LRRTM3: variants seen among roughly 807,000 people sequenced by gnomAD.
The protein encoded by LRRTM3 is leucine rich repeat transmembrane neuronal 3.
A neutral mutation model predicts 44.7 loss-of-function variants in LRRTM3; 24 were observed. The observed-to-expected ratio is 0.54, with a 90% CI of 0.39 to 0.76. The LOEUF is 0.76. Among genes scored for constraint, LRRTM3 ranks in the 30% least tolerant of loss-of-function variants. LRRTM3 has a pLI of 0.00. For synonymous variants in LRRTM3, 277 were observed against 278.7 expected (o/e 0.99, Z 0.06); for missense variants, 587 against 702.2 (o/e 0.84, Z 1.85).
At chr10:67,000,761 T>C (rs1851636170) in intron 2 of LRRTM3, among the ~76,000 whole-genome samples, 1 of 152,082 alleles carries the variant, frequency 6.6e-6, no homozygotes, top group Non-Finnish European at 1.5e-5. Flanking sequence ...ACCTGACAAT[T>C]ACAATAAAAT....
At chr10:66,936,596 G>A (rs1462856025) in intron 2 of LRRTM3, among the ~76,000 whole-genome samples, 1 of 152,102 alleles carries the variant, frequency 6.6e-6, no homozygotes. Flanking sequence ...CTGTCAGAAA[G>A]TCACAGGGTC....
chr10:67,097,939 T>C lies in LRRTM3; in HGVS notation c.*143T>C. The C allele has an allele frequency of 1.5e-6, 1 of 687,170 alleles. No homozygotes were observed. The highest frequency in any genetic ancestry group is 2.7e-5 in the East Asian group (1 of 36,776). 42.6% of individuals were successfully genotyped at this position (687,170 alleles called of 1,614,324 possible). On this transcript the variant is annotated 3_prime_UTR_variant, in exon 3 of 3. Transcript: ENST00000361320. ...AATAAACAAAAAATCCAAGATTGAT[T>C]CATGAAATAAAGAAGACATGAATTG...
At chr10:67,077,947 A>G (rs1856819248) in intron 2 of LRRTM3, among the ~76,000 whole-genome samples, 2 of 152,186 alleles carry the variant, frequency 1.3e-5, no homozygotes, top group Admixed American at 1.3e-4. Context: ...TAAGTGATTT[A>G]CAACACAAAT....
At chr10:67,056,943 G>C (rs78031898) in intron 2 of LRRTM3, among the ~76,000 whole-genome samples, 2,010 of 152,266 alleles carry the variant, frequency 0.013, 19 homozygotes, top group Non-Finnish European at 0.02. Context: ...GGGTGCAAAA[G>C]AGTGGGAACT....
intron 2 of LRRTM3, among the ~76,000 whole-genome samples, chr10:66,974,858 T>A (rs980154678): frequency 1.3e-5 from 2 of 152,136 alleles, no homozygotes; most frequent in African/African-American, 4.8e-5. Flanking sequence ...TTAGTTGAGT[T>A]GTTTTTTCTT....
chr10:66,989,075 A>T (rs551716226), intron 2 of LRRTM3, among the ~76,000 whole-genome samples: 39 of 151,018 alleles, frequency 2.6e-4, no homozygotes, highest in Non-Finnish European at 4.4e-4. Context: ...GTGTTTTTTT[A>T]TTTCCTGTAT....
intron 2 of LRRTM3, among the ~76,000 whole-genome samples, chr10:66,953,865 T>C (rs1174872638): frequency 6.6e-6 from 1 of 152,176 alleles, no homozygotes; most frequent in Admixed American, 6.6e-5. Context: ...AGAAGAGCTA[T>C]GTGACCTTGG....
chr10:66,986,430 G>A (rs1221684799), intron 2 of LRRTM3, among the ~76,000 whole-genome samples: 22 of 152,148 alleles, frequency 1.4e-4, no homozygotes, highest in Admixed American at 1.4e-3. Context: ...CCAGTAGGCA[G>A]AGGTTGCAAT....
intron 2 of LRRTM3, among the ~76,000 whole-genome samples, chr10:66,997,175 C>A (rs550934298): frequency 6.6e-6 from 1 of 152,036 alleles, no homozygotes; most frequent in African/African-American, 2.4e-5. Context: ...GCAAAACAAC[C>A]CTTTGTATTA....
At position 66,928,425 on chromosome 10, in the gene LRRTM3, T is replaced by A; in HGVS notation, c.1509T>A (p.Tyr503Ter). 6.2e-7 allele frequency: 1 copy of A among 1,610,886 alleles called. No individual in the cohort carries two copies. Among genetic ancestry groups the A allele is most frequent in the Non-Finnish European group, 8.5e-7 (1 of 1,178,950 alleles). The change falls in exon 2 of 3, where the codon TAT (tyrosine) becomes TAA (stop). Residue 503 changes from tyrosine to a stop codon, truncating the protein, a stop_gained. Coordinates refer to ENST00000361320, the MANE Select transcript of LRRTM3 (RefSeq NM_178011.5). LOFTEE classifies it high-confidence loss of function. ...MLLNGTGPCT[Y>*]NKSGSRECEI... ...TGAATGGGACGGGACCCTGCACCTATAACAAATCGGGCTCCAGGGAGTGTG... is the reference window on the plus strand; with the variant it reads ...TGAATGGGACGGGACCCTGCACCTAAAACAAATCGGGCTCCAGGGAGTGTG...
chr10:67,043,862 G>A (rs905574124), intron 2 of LRRTM3, among the ~76,000 whole-genome samples: 7 of 150,918 alleles, frequency 4.6e-5, no homozygotes, highest in Non-Finnish European at 1.0e-4. Flanking sequence ...ACTTCTATAT[G>A]CCCAACATTC....
chr10:66,947,906 G>A (rs956416340), intron 2 of LRRTM3, among the ~76,000 whole-genome samples: 10 of 152,144 alleles, frequency 6.6e-5, no homozygotes, highest in African/African-American at 1.7e-4. Flanking sequence ...ATCACAGAGT[G>A]TACTTACATA....
At chr10:66,999,345 C>T (rs1251141883) in intron 2 of LRRTM3, among the ~76,000 whole-genome samples, 1 of 151,962 alleles carries the variant, frequency 6.6e-6, no homozygotes, top group Non-Finnish European at 1.5e-5. Context: ...GGCCTTCTGC[C>T]TAACATTTTC....
rs536900450 is a variant in LRRTM3, at chr10:67,087,003, C to T, written c.1537-10584C>T. 4.6e-5 allele frequency among the ~76,000 whole-genome samples: 7 copies of T among 152,070 alleles called. No individual in the cohort carries two copies. The South Asian group carries it at 1.5e-3, about 32-fold the overall frequency. The stretch of plus-strand genomic sequence containing the variant: ...GTTTTCATACTGATTAGCAACTGCA[C>T]CTCATTGCACCACAGTATGAAGAAA... On this transcript the variant is annotated intron_variant, in intron 2 of 2. Transcript: ENST00000361320.
chr10:67,088,861 T>C (rs961486897), intron 2 of LRRTM3, among the ~76,000 whole-genome samples: 5 of 152,018 alleles, frequency 3.3e-5, no homozygotes, highest in Non-Finnish European at 5.9e-5. Flanking sequence ...TCCATATCCA[T>C]AGGTTCTACA....
intron 2 of LRRTM3, among the ~76,000 whole-genome samples, chr10:67,069,151 C>T (rs1856279062): frequency 6.6e-6 from 1 of 151,886 alleles, no homozygotes; most frequent in African/African-American, 2.4e-5. Flanking sequence ...GGGAGGTAAA[C>T]TGGCAACAGT....
intron 2 of LRRTM3, among the ~76,000 whole-genome samples, chr10:66,999,551 G>C (rs1419034017): frequency 6.6e-6 from 1 of 152,016 alleles, no homozygotes; most frequent in Non-Finnish European, 1.5e-5. Context: ...TAACTATAGA[G>C]GTGATCAGAC....
chr10:67,087,696 T>C (rs1857384435), intron 2 of LRRTM3, among the ~76,000 whole-genome samples: 1 of 152,014 alleles, frequency 6.6e-6, no homozygotes, highest in South Asian at 2.1e-4. Flanking sequence ...ACCTCTAAGC[T>C]AATGTCATAA....
At chr10:66,964,185 A>G (rs1420863104) in intron 2 of LRRTM3, among the ~76,000 whole-genome samples, 1 of 152,090 alleles carries the variant, frequency 6.6e-6, no homozygotes, top group African/African-American at 2.4e-5. Flanking sequence ...CATCGTAGGA[A>G]AAACTTTGTC....
Sources: allele counts gnomAD v4.1 joint callset (sites outside exome capture counted in the v4.1 genomes callset), GRCh38; gene constraint gnomAD v4.1.1; transcripts MANE v1.5; gene names NCBI Gene and HGNC (gene_info 2026-07-23, HGNC 2026-07-21).